Variants in CLIC6 observed in about 807,000 individuals in gnomAD.
CLIC6 encodes chloride intracellular channel protein 6.
In CLIC6, 39 loss-of-function variants were observed where a neutral mutation model predicts 49.2. That is an observed-to-expected ratio of 0.79 (90% confidence interval 0.61 to 1.04). The LOEUF is 1.04. Ranked by LOEUF, CLIC6 falls within the 50% of genes least tolerant of loss-of-function variation. CLIC6 has a pLI of 0.00. For synonymous variants in CLIC6, 446 were observed against 433.4 expected, an observed-to-expected ratio of 1.03 and a Z score of -0.36; for missense variants, 988 against 993.1, an observed-to-expected ratio of 0.99 and a Z score of 0.07.
chr21:34,708,880 G>C, intron 4 of CLIC6, 74 bp downstream of exon 4: 1 of 1,058,696 alleles, frequency 9.4e-7, no homozygotes, highest in Non-Finnish European at 1.4e-6. Flanking sequence ...TACGCTCCTG[G>C]GGTATTCCCA....
chr21:34,687,107 C>A (rs779424798), intron 1 of CLIC6, among the ~76,000 whole-genome samples: 5 of 152,084 alleles, frequency 3.3e-5, no homozygotes, highest in Non-Finnish European at 5.9e-5. Flanking sequence ...CTCCTCTAAG[C>A]TAGTGAAATC....
intron 1 of CLIC6, among the ~76,000 whole-genome samples, chr21:34,680,473 C>A (rs549958381): frequency 1.3e-5 from 2 of 152,358 alleles, no homozygotes; most frequent in Non-Finnish European, 2.9e-5. Flanking sequence ...TAACATTCAG[C>A]TCCTTGTTAC....
intron 4 of CLIC6, among the ~76,000 whole-genome samples, chr21:34,709,047 C>T (rs367825355): frequency 4.6e-5 from 7 of 152,334 alleles, no homozygotes; most frequent in African/African-American, 1.7e-4. Context: ...CCCAGGTGTT[C>T]CGGACACACC....
At chr21:34,706,014 C>A in intron 1 of CLIC6, 1 of 676,692 alleles carries the variant, frequency 1.5e-6, no homozygotes, top group Non-Finnish European at 2.7e-6. Flanking sequence ...ACATTCTTTT[C>A]TTTTGTATTT....
intron 1 of CLIC6, among the ~76,000 whole-genome samples, chr21:34,687,730 A>G (rs1418434347): frequency 1.3e-5 from 2 of 152,218 alleles, no homozygotes; most frequent in Non-Finnish European, 2.9e-5. Flanking sequence ...AAAATACTAT[A>G]CATACTTAGG....
chr21:34,683,479 T>C (rs1465638774), intron 1 of CLIC6, among the ~76,000 whole-genome samples: 2 of 152,224 alleles, frequency 1.3e-5, no homozygotes, highest in Non-Finnish European at 2.9e-5. Flanking sequence ...ATCCAGAGAA[T>C]TGTGGAGGAC....
At chr21:34,675,527 T>G (rs1055723523) in intron 1 of CLIC6, among the ~76,000 whole-genome samples, 7 of 151,880 alleles carry the variant, frequency 4.6e-5, no homozygotes, top group African/African-American at 1.7e-4. Context: ...AAAACAAATT[T>G]TTTGTAATTT....
intron 1 of CLIC6, among the ~76,000 whole-genome samples, chr21:34,702,364 G>A (rs1174482797): frequency 6.6e-6 from 1 of 152,092 alleles, no homozygotes; most frequent in Non-Finnish European, 1.5e-5. Flanking sequence ...GCAGAGGCGT[G>A]GGGGCGCAGG....
At chr21:34,687,937 A>G (rs1333579276) in intron 1 of CLIC6, among the ~76,000 whole-genome samples, 2 of 152,194 alleles carry the variant, frequency 1.3e-5, no homozygotes. Context: ...CTGGCAATAA[A>G]TTTTACTGAT....
chr21:34,713,152 G>A (rs2056067512), intron 5 of CLIC6, among the ~76,000 whole-genome samples: 1 of 152,108 alleles, frequency 6.6e-6, no homozygotes, highest in Non-Finnish European at 1.5e-5. Flanking sequence ...AAGGGGGTGG[G>A]GGGAGGAATG....
At chr21:34,682,247 A>T (rs1028907149) in intron 1 of CLIC6, among the ~76,000 whole-genome samples, 15 of 152,344 alleles carry the variant, frequency 9.8e-5, no homozygotes, top group African/African-American at 3.6e-4. Flanking sequence ...CTCTTCAAAG[A>T]GGTGATACCA....
At chr21:34,681,286 G>T (rs1989776224) in intron 1 of CLIC6, among the ~76,000 whole-genome samples, 1 of 152,206 alleles carries the variant, frequency 6.6e-6, no homozygotes, top group South Asian at 2.1e-4. Flanking sequence ...ACTATCACAA[G>T]AACAGCATGG....
chr21:34,708,846 C>T (rs2056035796), intron 4 of CLIC6, 40 bp downstream of exon 4: 1 of 1,435,510 alleles, frequency 7.0e-7, no homozygotes, highest in Non-Finnish European at 9.8e-7. Flanking sequence ...TCAACACAGA[C>T]TTGAGTCTTA....
chr21:34,698,843 G>C (rs549809328), intron 1 of CLIC6, among the ~76,000 whole-genome samples: 1 of 152,156 alleles, frequency 6.6e-6, no homozygotes, highest in African/African-American at 2.4e-5. Flanking sequence ...TCCAGGATAC[G>C]GGTTAGGAAT....
At chr21:34,694,222 T>G in intron 1 of CLIC6, among the ~76,000 whole-genome samples, 1 of 144,410 alleles carries the variant, frequency 6.9e-6, no homozygotes, top group Non-Finnish European at 1.5e-5. Context: ...CTCATGATCC[T>G]CCTGCCTCAG....
intron 1 of CLIC6, among the ~76,000 whole-genome samples, chr21:34,693,975 CTT>C (rs71196904): frequency 4.3e-4 from 54 of 124,608 alleles, no homozygotes; most frequent in African/African-American, 9.7e-4. Flanking sequence ...TTGTTGTTTT[CTT>C]TTTTTTTTTT....
chr21:34,677,229 C>T (rs980161916), intron 1 of CLIC6, among the ~76,000 whole-genome samples: 1 of 152,198 alleles, frequency 6.6e-6, no homozygotes, highest in Non-Finnish European at 1.5e-5. Flanking sequence ...GAATTTAAGA[C>T]AGTCTCTTAT....
chr21:34,699,990 T>C (rs1481280805), intron 1 of CLIC6, among the ~76,000 whole-genome samples: 1 of 152,124 alleles, frequency 6.6e-6, no homozygotes, highest in Non-Finnish European at 1.5e-5. Flanking sequence ...CCCTAATCTT[T>C]TTTTAAGCCG....
In CLIC6 at chr21:34,716,862, T is replaced by TCTCTCTCTCTCTCTCTCTCACACACACA; in HGVS notation, c.*381_*382insTCTCTCTCTCTCTCTCTCACACACACAC. ...CTCTCTCTCTCTCTCTCTCTCTCTA[T>TCTCTCTCTCTCTCTCTCTCACACACACA]CACACACACACACACACACACACAC... is the stretch of plus-strand genomic sequence containing the variant. On this transcript the variant is annotated 3_prime_UTR_variant, in exon 6 of 6. Transcript: ENST00000349499. 7.6e-6 allele frequency: 1 copy of TCTCTCTCTCTCTCTCTCTCACACACACA among 131,634 alleles called. No homozygotes were observed. The highest frequency in any genetic ancestry group is 3.2e-5 in the African/African-American group (1 of 31,214). 8.2% of individuals were successfully genotyped at this position (131,634 alleles called of 1,614,324 possible). A position where few individuals can be genotyped will look rare whatever the true frequency, so the allele number is the denominator to read the frequency against.
Sources: gnomAD v4.1 joint callset for allele counts (sites outside exome capture counted in the v4.1 genomes callset) on GRCh38, gnomAD v4.1.1 for gene constraint, MANE v1.5 for transcripts, NCBI Gene and HGNC (gene_info 2026-07-23, HGNC 2026-07-21) for gene names.